Variants in PDE1A observed in about 807,000 individuals in gnomAD.
PDE1A encodes dual specificity calcium/calmodulin-dependent 3',5'-cyclic nucleotide phosphodiesterase 1A.
A neutral mutation model predicts 61.7 loss-of-function variants in PDE1A; 35 were observed. The observed-to-expected ratio is 0.57, with a 90% CI of 0.43 to 0.75. PDE1A has a LOEUF of 0.75. Among genes scored for constraint, PDE1A ranks in the 30% least tolerant of loss-of-function variants. PDE1A has a pLI of 0.00. For missense variants in PDE1A, 597 were observed against 630.6 expected (o/e 0.95, Z 0.57); for synonymous variants, 232 against 213.2 (o/e 1.09, Z -0.77).
At chr2:182,349,035 G>A (rs548341773) in intron 1 of PDE1A, among the ~76,000 whole-genome samples, 1 of 152,114 alleles carries the variant, frequency 6.6e-6, no homozygotes, top group Non-Finnish European at 1.5e-5. Context: ...GATCTAGGTA[G>A]AATAAAATGT....
At chr2:182,522,683 C>T in exon 1 of PDE1A, 1 of 1,104,674 alleles carries the variant, frequency 9.1e-7, no homozygotes. Context: ...TACTCAAGCT[C>T]TCCCCAAAAG....
intron 1 of PDE1A, among the ~76,000 whole-genome samples, chr2:182,287,147 A>C (rs536412106): frequency 6.6e-6 from 1 of 152,158 alleles, no homozygotes; most frequent in African/African-American, 2.4e-5. Flanking sequence ...CTTCTGAAAC[A>C]AACTCTTCCC....
chr2:182,602,215 C>T, the PDE1A span, among the ~76,000 whole-genome samples: 21,792 of 152,262 alleles, frequency 0.14, 1,843 homozygotes, highest in African/African-American at 0.23. Context: ...ATGCGTGAGT[C>T]TGCAGCCACG....
At chr2:182,595,334 T>G in the PDE1A span, among the ~76,000 whole-genome samples, 1 of 152,214 alleles carries the variant, frequency 6.6e-6, no homozygotes, top group Non-Finnish European at 1.5e-5. Context: ...TTATCATCAC[T>G]AAATCCTCCT....
the PDE1A span, among the ~76,000 whole-genome samples, chr2:182,531,854 T>C: frequency 6.6e-6 from 1 of 152,064 alleles, no homozygotes; most frequent in Non-Finnish European, 1.5e-5. Flanking sequence ...TCCCCCAGGC[T>C]CCCACCCACC....
intron 4 of PDE1A, 74 bp downstream of exon 4, chr2:182,234,358 A>C: frequency 1.0e-6 from 1 of 991,066 alleles, no homozygotes; most frequent in East Asian, 2.4e-5. Flanking sequence ...ACCTATTCTC[A>C]TTTTCTCATA....
intron 2 of PDE1A, among the ~76,000 whole-genome samples, chr2:182,488,197 C>A (rs1204744752): frequency 6.6e-6 from 1 of 152,056 alleles, no homozygotes; most frequent in Non-Finnish European, 1.5e-5. Context: ...AAAGTTATAA[C>A]TAGGGTACAA....
At chr2:182,473,215 TG>T (rs1182275271) in intron 2 of PDE1A, among the ~76,000 whole-genome samples, 1 of 152,046 alleles carries the variant, frequency 6.6e-6, no homozygotes, top group Admixed American at 6.6e-5. Flanking sequence ...GACACAGGCA[TG>T]GGCAAGGACT....
intron 2 of PDE1A, among the ~76,000 whole-genome samples, chr2:182,468,936 T>C (rs1447988933): frequency 6.6e-6 from 1 of 151,990 alleles, no homozygotes; most frequent in Non-Finnish European, 1.5e-5. Context: ...GCAGTAGGTC[T>C]TAACAGTGGG....
At chr2:182,716,283 T>G in the PDE1A span, 1 of 152,316 alleles carries the variant, frequency 6.6e-6, no homozygotes, top group African/African-American at 2.4e-5. Flanking sequence ...GACCGGCGCG[T>G]GAGGAACCTA....
At chr2:182,549,902 A>G in the PDE1A span, among the ~76,000 whole-genome samples, 1 of 152,184 alleles carries the variant, frequency 6.6e-6, no homozygotes, top group Non-Finnish European at 1.5e-5. Flanking sequence ...AAATGAAATC[A>G]GGAAGAAAAT....
At chr2:182,238,920 T>A (rs1165515198) in intron 3 of PDE1A, among the ~76,000 whole-genome samples, 1 of 152,190 alleles carries the variant, frequency 6.6e-6, no homozygotes, top group African/African-American at 2.4e-5. Flanking sequence ...TTCTGTAATA[T>A]TTTTTTAAAC....
chr2:182,403,429 C>G (rs376751928), intron 1 of PDE1A, among the ~76,000 whole-genome samples: 106 of 151,958 alleles, frequency 7.0e-4, no homozygotes, highest in African/African-American at 2.5e-3. Context: ...GAAACCCCGT[C>G]TCTACTAAAA....
At chr2:182,369,642 A>G (rs193076263) in intron 1 of PDE1A, among the ~76,000 whole-genome samples, 1 of 152,234 alleles carries the variant, frequency 6.6e-6, no homozygotes, top group African/African-American at 2.4e-5. Flanking sequence ...AGCATAAGTC[A>G]AGGAAGATGA....
chr2:182,543,352 G>A, the PDE1A span, among the ~76,000 whole-genome samples: 1 of 152,154 alleles, frequency 6.6e-6, no homozygotes, highest in Admixed American at 6.5e-5. Flanking sequence ...AAACCCTAAT[G>A]TACCACTGAC....
chr2:182,675,717 GC>G, the PDE1A span, among the ~76,000 whole-genome samples: 1 of 152,080 alleles, frequency 6.6e-6, no homozygotes, highest in African/African-American at 2.4e-5. Flanking sequence ...CTAATGTTGA[GC>G]TTTTTTTCAT....
intron 13 of PDE1A, among the ~76,000 whole-genome samples, chr2:182,183,684 T>C (rs1684956760): frequency 6.6e-6 from 1 of 150,934 alleles, no homozygotes; most frequent in Admixed American, 6.7e-5. Context: ...GTTTTAAAAT[T>C]GATTTCAAAA....
rs571439341 is a variant in PDE1A, at chr2:182,151,339, A to T, written c.1517-4187T>A. Among the ~76,000 whole-genome samples the T allele has an allele frequency of 2.0e-5, 3 of 152,250 alleles. No homozygotes were observed. The South Asian group carries it at 6.2e-4, about 32-fold the overall frequency. ...AGCTGGTCTTGAACTCCTGACCTTC[A>T]GGTGATCCACCTGCCTTGGCCTCCC... On this transcript the variant is annotated intron_variant, in intron 13 of 13. Transcript: ENST00000409365.
intron 7 of PDE1A, among the ~76,000 whole-genome samples, chr2:182,218,281 AG>A (rs1474924494): frequency 7.4e-5 from 6 of 81,542 alleles, no homozygotes; most frequent in Admixed American, 6.6e-4. Context: ...GGGTCGGGGG[AG>A]GGGGGAGGGA....
Sources: allele counts gnomAD v4.1 joint callset (sites outside exome capture counted in the v4.1 genomes callset), GRCh38; gene constraint gnomAD v4.1.1; transcripts MANE v1.5; gene names NCBI Gene and HGNC (gene_info 2026-07-23, HGNC 2026-07-21).